LARGE2: variants seen among roughly 807,000 people sequenced by gnomAD.
The protein encoded by LARGE2 is LARGE xylosyl- and glucuronyltransferase 2, also known as xylosyl- and glucuronyltransferase LARGE2.
In LARGE2, 63 loss-of-function variants were observed where a neutral mutation model predicts 75.3. That is an observed-to-expected ratio of 0.84 (90% CI 0.68 to 1.03). The LOEUF (loss-of-function observed/expected upper bound fraction) is 1.03, where lower values mean the gene tolerates loss of function less well. Ranked by LOEUF, LARGE2 falls within the 50% of genes least tolerant of loss-of-function variation. The pLI is 0.00. For missense variants in LARGE2, 925 were observed against 980.6 expected (o/e 0.94, Z 0.76); for synonymous variants, 428 against 420.1 (o/e 1.02, Z -0.23).
Position 45,926,314 on chromosome 11 carries a change from C to T in LARGE2, c.975C>T (p.Ala325=), listed in dbSNP as rs760172922. Residue 325 remains alanine, a synonymous_variant, in exon 8 of 14, where the codon GCC becomes GCT. Transcript: ENST00000401752. The part of the protein sequence containing the change: ...WNVQLSDHTL[A]ERCYSEASDL... The stretch of plus-strand genomic sequence containing the variant: ...TGCAGCTGTCAGATCACACACTGGC[C>T]GAGCGCTGCTACTCTGAGGCGTCTG... The T allele has an allele frequency of 1.1e-5, 17 of 1,613,994 alleles. No individual in the cohort carries two copies. The highest frequency in any genetic ancestry group is 6.6e-5 in the South Asian group (6 of 91,074).
Position 45,926,727 on chromosome 11 carries a change from C to T in LARGE2, c.1181C>T (p.Ala394Val). The change falls in exon 10 of 14, where the codon GCA becomes GTA. Residue 394 changes from alanine to valine, a missense_variant. This residue lies in a region of LARGE2 where 469 missense variants were observed against 503.8 expected (regional missense o/e 0.93). Transcript: ENST00000401752. ...PGAEQLQQAL[A>V]QLDEEDPCFE... is the part of the protein sequence containing the mutation. ...CCCCCTCAGTTGCAGCAGGCCCTGGCACAACTGGACGAGGAAGACCCCTGC... is the reference window on the plus strand; with the variant it reads ...CCCCCTCAGTTGCAGCAGGCCCTGGTACAACTGGACGAGGAAGACCCCTGC... The T allele has an allele frequency of 6.2e-7, 1 of 1,613,374 alleles. No individual in the cohort carries two copies. Among genetic ancestry groups the T allele is most frequent in the South Asian group, 1.1e-5 (1 of 91,020 alleles).
Position 45,924,797 on chromosome 11 carries a change from T to C in LARGE2, c.677T>C (p.Ile226Thr), listed in dbSNP as rs1313748402. 2 of 1,508,898 alleles carry C rather than the reference T, an allele frequency of 1.3e-6. No homozygotes were observed. The highest frequency in any genetic ancestry group is 1.3e-5 in the South Asian group (1 of 76,314). 93.5% of individuals were successfully genotyped at this position (1,508,898 alleles called of 1,614,324 possible). ...CCTCCCCTCCCAGACACGCAGGCGA[T>C]CGGTCTTGTGGAGAACCAGAGTGAC... Reference protein sequence around the residue: ...LFAHFSDTQAIGLVENQSDWY... With the variant: ...LFAHFSDTQATGLVENQSDWY... The change falls in exon 6 of 14, where the codon ATC (isoleucine) becomes ACC (threonine). Residue 226 changes from isoleucine (I) to threonine (T), a missense_variant. Physicochemically the swap from Ile to Thr is moderately conservative, Grantham distance 89 (BLOSUM62 -1). Transcript: ENST00000401752.
intron 6 of LARGE2, among the ~76,000 whole-genome samples, chr11:45,925,220 C>T (rs1456726413): frequency 6.6e-6 from 1 of 152,172 alleles, no homozygotes; most frequent in African/African-American, 2.4e-5. Flanking sequence ...TGACTATTGA[C>T]AAAAGTAGTC....
rs1009137916 is a variant in LARGE2, at chr11:45,922,677, C to A, written c.-114C>A. 2 of 363,022 alleles carry A rather than the reference C, an allele frequency of 5.5e-6. No homozygotes were observed. The highest frequency in any genetic ancestry group is 4.8e-5 in the Admixed American group (1 of 21,046). 22.5% of individuals were successfully genotyped at this position (363,022 alleles called of 1,614,324 possible). On this transcript the variant is annotated 5_prime_UTR_variant, in exon 1 of 14. Coordinates refer to ENST00000401752, the MANE Select transcript of LARGE2 (RefSeq NM_001300721.2). The stretch of plus-strand genomic sequence containing the variant: ...CCGCGCCTCTCCCCTGGTTCCCGCA[C>A]CCTGGCCGGCGGCTGCGAGCGCAGG...
In LARGE2 at chr11:45,928,283, G is replaced by C. The variant is rs368849171; in HGVS notation, c.1861G>C (p.Val621Leu). The change falls in exon 13 of 14, where the codon GTG (valine) becomes CTG (leucine). Residue 621 changes from valine (V) to leucine (L), a missense_variant. Physicochemically the swap from Val to Leu is conservative, Grantham distance 32. This residue lies in a region of LARGE2 where 469 missense variants were observed against 503.8 expected (regional missense o/e 0.93). Coordinates refer to ENST00000401752, the MANE Select transcript of LARGE2 (RefSeq NM_001300721.2). ...GGCGGCCAACTATGAACCCTACGTG[G>C]TGGTGCCACGAGACTGTCCCCGCTA... Reference protein sequence around the residue: ...QWAANYEPYVVVPRDCPRYDP... With the variant: ...QWAANYEPYVLVPRDCPRYDP... 14 of 1,614,134 alleles carry C rather than the reference G, an allele frequency of 8.7e-6. No homozygotes were observed. The highest frequency in any genetic ancestry group is 1.2e-5 in the Non-Finnish European group (14 of 1,180,044).
chr11:45,928,247 C>T lies in LARGE2; in HGVS notation c.1825C>T (p.Arg609Cys), dbSNP rs760459641. 43 of 1,614,038 alleles carry T rather than the reference C, an allele frequency of 2.7e-5. No homozygotes were observed. The highest frequency in any genetic ancestry group is 1.6e-4 in the East Asian group (7 of 44,866). Reference protein sequence around the residue: ...ARWREAQAPYRVQWAANYEPY... With the variant: ...ARWREAQAPYCVQWAANYEPY... ...CTGGCGGGAGGCTCAGGCCCCGTAC[C>T]GTGTGCAATGGGCGGCCAACTATGA... The change falls in exon 13 of 14, where the codon CGT becomes TGT. Residue 609 changes from arginine to cysteine, a missense_variant. Transcript: ENST00000401752.
intron 6 of LARGE2, 139 bp downstream of exon 6, chr11:45,925,028 A>G (rs905350380): frequency 1.5e-4 from 84 of 557,638 alleles, no homozygotes; most frequent in African/African-American, 1.5e-3. Flanking sequence ...AGAGACAGAC[A>G]GCAGTTCCAA....
intron 10 of LARGE2, 91 bp downstream of exon 10, chr11:45,926,962 G>T: frequency 7.6e-7 from 1 of 1,310,700 alleles, no homozygotes; most frequent in East Asian, 2.4e-5. Flanking sequence ...CTGATGCTGT[G>T]GTAGTGAGCT....
upstream of LARGE2, among the ~76,000 whole-genome samples, chr11:45,922,240 C>T (rs2086943259): frequency 1.3e-5 from 2 of 152,164 alleles, no homozygotes. Context: ...CGGCCGGCTC[C>T]GCCCCTGTCC....
At chr11:45,924,465 C>T (rs757674462) in intron 4 of LARGE2, 41 bp from the exon 5 acceptor site, 1 of 1,598,598 alleles carries the variant, frequency 6.3e-7, no homozygotes. Flanking sequence ...TGCTCATAGG[C>T]CCCTCTCTGC....
At chr11:45,927,861 C>G (rs1389094466) in intron 11 of LARGE2, 59 bp from the exon 12 acceptor site, 2 of 1,607,072 alleles carry the variant, frequency 1.2e-6, no homozygotes, top group South Asian at 2.2e-5. Flanking sequence ...TGATGAGTGT[C>G]ACTGGCCCAG....
rs772419961 is a variant in LARGE2, at chr11:45,927,465, G to A, written c.1476G>A (p.Val492=). The A allele has an allele frequency of 1.9e-6, 3 of 1,614,244 alleles. No individual in the cohort carries two copies. The highest frequency in any genetic ancestry group is 1.7e-6 in the Non-Finnish European group (2 of 1,180,046). The change falls in exon 11 of 14, where the codon GTG becomes GTA. Residue 492 remains valine, a synonymous_variant. Coordinates refer to ENST00000401752, the MANE Select transcript of LARGE2 (RefSeq NM_001300721.2). ...AARQDVAYHV[V]YREGPLYPVN... Reference sequence around the variant, plus strand: ...GGCAGGACGTGGCCTACCATGTGGTGTACCGTGAGGGGCCCCTATACCCCG... The same window carrying A: ...GGCAGGACGTGGCCTACCATGTGGTATACCGTGAGGGGCCCCTATACCCCG...
chr11:45,928,825 C>T lies in LARGE2; in HGVS notation c.2146C>T (p.Gln716Ter), dbSNP rs763638669. ...ATACCTCCCAGCCCTGCAGCAGCCCCAGAGCCCTGCCCGAGGCTGAGGCTG... is the reference window on the plus strand; with the variant it reads ...ATACCTCCCAGCCCTGCAGCAGCCCTAGAGCCCTGCCCGAGGCTGAGGCTG... ...LKYLPALQQP[Q>*]SPARG is the part of the protein sequence containing the mutation. The change falls in exon 14 of 14, where the codon CAG becomes TAG. Residue 716 changes from glutamine to a stop codon, truncating the protein, a stop_gained. Coordinates refer to ENST00000401752, the MANE Select transcript of LARGE2 (RefSeq NM_001300721.2). LOFTEE classifies it low-confidence loss of function (END_TRUNC). 2.5e-6 allele frequency: 4 copies of T among 1,613,326 alleles called. No individual in the cohort carries two copies. The highest frequency in any genetic ancestry group is 2.2e-5 in the East Asian group (1 of 44,886).
chr11:45,924,710 A>G (rs1242380542), intron 5 of LARGE2, 33 bp downstream of exon 5: 6 of 1,578,820 alleles, frequency 3.8e-6, no homozygotes, highest in Non-Finnish European at 5.2e-6. Flanking sequence ...TGGCCTGCCC[A>G]GGATCCCTGC....
chr11:45,925,311 A>G (rs2087101231), intron 6 of LARGE2, among the ~76,000 whole-genome samples: 3 of 152,300 alleles, frequency 2.0e-5, no homozygotes, highest in South Asian at 4.1e-4. Context: ...GCTTGAGCCC[A>G]GGAGTTCGAG....
At position 45,927,487 on chromosome 11, in the gene LARGE2, C is replaced by G; in HGVS notation, c.1498C>G (p.Pro500Ala). The G allele has an allele frequency of 6.2e-7, 1 of 1,614,234 alleles. No homozygotes were observed. Among genetic ancestry groups the G allele is most frequent in the African/African-American group, 1.3e-5 (1 of 75,068 alleles). ...HVVYREGPLY[P>A]VNQLRNVALA... ...GGTGTACCGTGAGGGGCCCCTATAC[C>G]CCGTCAACCAGCTTCGCAACGTGGC... Residue 500 changes from proline to alanine, a missense_variant, in exon 11 of 14, where the codon CCC becomes GCC. Pro to Ala is a conservative substitution (Grantham distance 27, BLOSUM62 -1). This residue lies in a region of LARGE2 where 469 missense variants were observed against 503.8 expected (regional missense o/e 0.93). Coordinates refer to ENST00000401752, the MANE Select transcript of LARGE2 (RefSeq NM_001300721.2).
chr11:45,923,111 G>C lies in LARGE2; in HGVS notation c.229G>C (p.Gly77Arg). ...CGACGGAGACCCGGGGGCCGGCCCC[G>C]GGGACCACAACCGCTCCGACTGCGG... ...ALDGDPGAGP[G>R]DHNRSDCGPQ... The change falls in exon 2 of 14, where the codon GGG becomes CGG. Residue 77 changes from glycine (G) to arginine (R), a missense_variant. Transcript: ENST00000401752. 2 of 1,391,018 alleles carry C rather than the reference G, an allele frequency of 1.4e-6. No individual in the cohort carries two copies. Among genetic ancestry groups the C allele is most frequent in the South Asian group, 1.6e-5 (1 of 62,742 alleles). The allele number at this position is 1,391,018 out of a possible 1,614,324, so 86.2% of individuals were successfully genotyped here. A position where few individuals can be genotyped will look rare whatever the true frequency, so the allele number is the denominator to read the frequency against.
chr11:45,927,246 G>A, intron 10 of LARGE2, 69 bp from the exon 11 acceptor site: 4 of 1,530,092 alleles, frequency 2.6e-6, no homozygotes, highest in African/African-American at 1.4e-5. Flanking sequence ...TAACTGGGGA[G>A]GTTTGCCAGG....
At chr11:45,922,317 C>T (rs1031957928), upstream of LARGE2, among the ~76,000 whole-genome samples, 3 of 152,282 alleles carry the variant, frequency 2.0e-5, no homozygotes, top group African/African-American at 7.2e-5. Context: ...GTGTCGAGCT[C>T]CCGCAGTGTC....
Sources: gnomAD v4.1 joint callset for allele counts (sites outside exome capture counted in the v4.1 genomes callset) on GRCh38, gnomAD v4.1.1 for gene constraint, gnomAD v4.1.1 regional missense constraint, MANE v1.5 for transcripts, NCBI Gene and HGNC (gene_info 2026-07-23, HGNC 2026-07-21) for gene names.